The following BACE2 variants were observed in gnomAD, a reference collection of about 807,000 sequenced individuals.
BACE2 encodes the protein 56 kDa aspartic-like protease.
In BACE2, 17 loss-of-function variants were observed where a neutral mutation model predicts 46.2. That is an observed-to-expected ratio of 0.37 (90% confidence interval 0.25 to 0.55). BACE2 has a LOEUF of 0.55. BACE2 is among the 20% of genes least tolerant of loss of function. The pLI, the probability that BACE2 is intolerant of heterozygous loss-of-function variation, is 0.82. For missense variants in BACE2, 595 were observed against 698.1 expected (o/e 0.85, Z 1.66); for synonymous variants, 277 against 295.9 (o/e 0.94, Z 0.66).
rs1985790669 is a variant in BACE2, at chr21:41,197,681, T to TA, written c.313-28584dup. Among the ~76,000 whole-genome samples the TA allele has an allele frequency of 2.0e-5, 3 of 152,322 alleles. No individual in the cohort carries two copies. The South Asian group carries it at 6.2e-4, about 32-fold the overall frequency. On this transcript the variant is annotated intron_variant, in intron 1 of 8. Coordinates refer to ENST00000330333, the MANE Select transcript of BACE2 (RefSeq NM_012105.5). ...AAAAAAAAAAAATGGAAATAAGCCG[T>TA]ACCTTCCGGTTAGTTTGCTAGTTAC...
chr21:41,205,127 G>T lies in BACE2; in HGVS notation c.313-21139G>T, dbSNP rs999183677. ...CCATGCAAAAAGATTACTGTAAAAC[G>T]AAGATGAAATTTTAGATTTTAAGAA... On this transcript the variant is annotated intron_variant, in intron 1 of 8. Coordinates refer to ENST00000330333, the MANE Select transcript of BACE2 (RefSeq NM_012105.5). Among the ~76,000 whole-genome samples the T allele has an allele frequency of 1.1e-3, 175 of 152,256 alleles. 1 individual carries two copies. The highest frequency in any genetic ancestry group is 4.7e-4 in the Non-Finnish European group (32 of 68,016).
At chr21:41,237,832 CAGTG>C (rs1987170623) in intron 3 of BACE2, 103 bp downstream of exon 3, 1 of 868,066 alleles carries the variant, frequency 1.2e-6, no homozygotes, top group African/African-American at 1.7e-5. Flanking sequence ...TTCTTGGAGA[CAGTG>C]AGAACCACGT....
chr21:41,211,547 C>G (rs999406384), intron 1 of BACE2, among the ~76,000 whole-genome samples: 13 of 152,210 alleles, frequency 8.5e-5, no homozygotes, highest in Non-Finnish European at 1.8e-4. Context: ...CTGAAAGAGC[C>G]TGATTAACAG....
chr21:41,263,781 T>C (rs1198893165), intron 8 of BACE2, among the ~76,000 whole-genome samples: 1 of 152,248 alleles, frequency 6.6e-6, no homozygotes, highest in African/African-American at 2.4e-5. Flanking sequence ...ATTTCCAGTG[T>C]TCTGAATAGT....
chr21:41,205,077 G>A (rs899881417), intron 1 of BACE2, among the ~76,000 whole-genome samples: 5 of 152,170 alleles, frequency 3.3e-5, no homozygotes, highest in East Asian at 1.9e-4. Flanking sequence ...TCTGTGTTGC[G>A]CATTCAGTTT....
chr21:41,209,376 G>A (rs1601269548), intron 1 of BACE2, among the ~76,000 whole-genome samples: 1 of 152,180 alleles, frequency 6.6e-6, no homozygotes, highest in Admixed American at 6.5e-5. Context: ...CCGTTTGTTC[G>A]GAGATGATAA....
At chr21:41,190,622 A>AT (rs929882615) in intron 1 of BACE2, among the ~76,000 whole-genome samples, 16 of 151,596 alleles carry the variant, frequency 1.1e-4, no homozygotes, top group Admixed American at 5.3e-4. Context: ...GCAGGTTGTG[A>AT]TTTTTTTTTC....
intron 2 of BACE2, among the ~76,000 whole-genome samples, chr21:41,235,886 G>T (rs1364058695): frequency 6.6e-6 from 1 of 150,684 alleles, no homozygotes; most frequent in East Asian, 1.9e-4. Context: ...ATGAACAAAT[G>T]ATCATGTCAT....
At chr21:41,238,954 T>TAAAAAAAAAAAA (rs34474586) in intron 3 of BACE2, among the ~76,000 whole-genome samples, 11 of 85,658 alleles carry the variant, frequency 1.3e-4, no homozygotes, top group Non-Finnish European at 1.5e-4. Context: ...AAAGTATAAT[T>TAAAAAAAAAAAA]AAAAAAAAAA....
intron 8 of BACE2, among the ~76,000 whole-genome samples, chr21:41,270,442 G>T (rs2088423017): frequency 6.6e-6 from 1 of 152,096 alleles, no homozygotes; most frequent in Non-Finnish European, 1.5e-5. Flanking sequence ...AATGGAGATG[G>T]GGTCTTGCTC....
chr21:41,224,395 T>C (rs1030494784), intron 1 of BACE2, among the ~76,000 whole-genome samples: 1 of 152,030 alleles, frequency 6.6e-6, no homozygotes, highest in African/African-American at 2.4e-5. Flanking sequence ...TTTGTATTTT[T>C]AGTAGAGATG....
chr21:41,232,629 G>A (rs1195553791), intron 2 of BACE2, among the ~76,000 whole-genome samples: 1 of 151,976 alleles, frequency 6.6e-6, no homozygotes, highest in Non-Finnish European at 1.5e-5. Context: ...TTGTTTAAAG[G>A]AGCCAGGCAC....
In BACE2 at chr21:41,193,209, A is replaced by G. The variant is rs895085174; in HGVS notation, c.312+24634A>G. On this transcript the variant is annotated intron_variant, in intron 1 of 8. Coordinates refer to ENST00000330333, the MANE Select transcript of BACE2 (RefSeq NM_012105.5). The surrounding 1 kb of genome is among the most constrained non-coding windows in gnomAD (Gnocchi z 4.2). ...GTCCTACCCCTGAGGTAGGACAGTA[A>G]AGGTGTATTGCCGGCCTTGCCAGCG... Among the ~76,000 whole-genome samples the G allele has an allele frequency of 5.3e-5, 8 of 152,190 alleles. No homozygotes were observed. The highest frequency in any genetic ancestry group is 1.2e-4 in the Non-Finnish European group (8 of 68,038).
At position 41,282,044 on chromosome 21, in the gene BACE2, A is replaced by T. The variant is rs2088553984; in HGVS notation, c.*6420A>T. The T allele has an allele frequency of 6.6e-6, 1 of 152,192 alleles. No homozygotes were observed. Among genetic ancestry groups the T allele is most frequent in the African/African-American group, 2.4e-5 (1 of 41,448 alleles). 9.4% of individuals were successfully genotyped at this position (152,192 alleles called of 1,614,324 possible). ...ATGTTATGTTCAGTCATTGAAAGCG[A>T]CCACTCATTTTTTTCTTAAAGTTGA... On this transcript the variant is annotated 3_prime_UTR_variant, in exon 9 of 9. Coordinates refer to ENST00000330333, the MANE Select transcript of BACE2 (RefSeq NM_012105.5).
intron 1 of BACE2, among the ~76,000 whole-genome samples, chr21:41,189,868 G>C (rs1406400499): frequency 6.6e-6 from 1 of 152,194 alleles, no homozygotes; most frequent in Non-Finnish European, 1.5e-5. Context: ...ACAGTAGGCT[G>C]TCTGCAAGTT....
chr21:41,170,024 A>G (rs1984547879), intron 1 of BACE2, among the ~76,000 whole-genome samples: 1 of 152,180 alleles, frequency 6.6e-6, no homozygotes, highest in African/African-American at 2.4e-5. Context: ...CCTGCAGAGA[A>G]TCTTTTGGAA....
At chr21:41,191,869 A>C (rs1409099939) in intron 1 of BACE2, among the ~76,000 whole-genome samples, 1 of 152,164 alleles carries the variant, frequency 6.6e-6, no homozygotes, top group Non-Finnish European at 1.5e-5. Context: ...CTCACATGGG[A>C]TACAAATATC....
In BACE2 at chr21:41,226,319, G is replaced by T. The variant is rs748840037; in HGVS notation, c.366G>T (p.Pro122=). The T allele has an allele frequency of 1.2e-6, 2 of 1,613,752 alleles. No individual in the cohort carries two copies. Among genetic ancestry groups the T allele is most frequent in the South Asian group, 1.1e-5 (1 of 91,062 alleles). The part of the protein sequence containing the change: ...GSSNFAVAGT[P]HSYIDTYFDT... ...GTAACTTTGCCGTGGCAGGAACCCC[G>T]CACTCCTACATAGACACGTACTTTG... The change falls in exon 2 of 9, where the codon CCG becomes CCT. Residue 122 remains proline (P), a synonymous_variant. Coordinates refer to ENST00000330333, the MANE Select transcript of BACE2 (RefSeq NM_012105.5).
intron 1 of BACE2, chr21:41,180,954 G>A (rs1302416645): frequency 6.0e-6 from 1 of 167,116 alleles, no homozygotes; most frequent in Admixed American, 6.5e-5. Context: ...TGGTGGCTAA[G>A]GATTCTAGGA....
Sources: allele counts gnomAD v4.1 joint callset (sites outside exome capture counted in the v4.1 genomes callset), GRCh38; gene constraint gnomAD v4.1.1; non-coding constraint Gnocchi (gnomAD v3.1); transcripts MANE v1.5; gene names NCBI Gene and HGNC (gene_info 2026-07-23, HGNC 2026-07-21).